TXNRD2: variants seen among roughly 807,000 people sequenced by gnomAD.
TXNRD2 encodes the protein thioredoxin reductase 2.
Under a neutral mutation model 70.8 loss-of-function variants are expected in TXNRD2, and 67 were observed. That is an observed-to-expected ratio of 0.95 (90% confidence interval 0.78 to 1.16). The LOEUF (loss-of-function observed/expected upper bound fraction) is 1.16, where lower values mean the gene tolerates loss of function less well. Among genes scored for constraint, TXNRD2 ranks in the 50% most tolerant of loss-of-function variants. The pLI is 0.00. For synonymous variants in TXNRD2, 301 were observed against 295.8 expected (o/e 1.02, Z -0.18); for missense variants, 644 against 719.9 (o/e 0.89, Z 1.21).
At chr22:19,941,251 T>G (rs1941702214) in intron 1 of TXNRD2, among the ~76,000 whole-genome samples, 1 of 152,170 alleles carries the variant, frequency 6.6e-6, no homozygotes. Flanking sequence ...CCTGATTTAG[T>G]TAACTGTTCT....
chr22:19,906,219 C>T (rs1260491097), intron 8 of TXNRD2, among the ~76,000 whole-genome samples: 4 of 152,158 alleles, frequency 2.6e-5, no homozygotes, highest in Admixed American at 6.5e-5. Flanking sequence ...CTCACAGACA[C>T]GCTCATCTCA....
chr22:19,941,145 G>T (rs935629113), intron 1 of TXNRD2, among the ~76,000 whole-genome samples: 4 of 152,150 alleles, frequency 2.6e-5, no homozygotes, highest in African/African-American at 9.7e-5. Flanking sequence ...CGCTCTGGTC[G>T]GATCTAGGGG....
At chr22:19,878,982 A>G (rs1458050530) in intron 14 of TXNRD2, among the ~76,000 whole-genome samples, 1 of 152,218 alleles carries the variant, frequency 6.6e-6, no homozygotes, top group African/African-American at 2.4e-5. Flanking sequence ...TGGGGCCCTC[A>G]CATGTGCTGT....
chr22:19,895,283 C>T lies in TXNRD2; in HGVS notation c.949+124G>A, dbSNP rs987546371. On this transcript the variant is annotated intron_variant, in intron 11 of 17. Coordinates refer to ENST00000400521, the MANE Select transcript of TXNRD2 (RefSeq NM_006440.5). ...GTTGCTCTCGAGGTGCACTGGGGAGCGGCCAACCCGCCTGGCAGCCAGCAG... is the reference window on the plus strand; with the variant it reads ...GTTGCTCTCGAGGTGCACTGGGGAGTGGCCAACCCGCCTGGCAGCCAGCAG... 1.7e-4 allele frequency: 265 copies of T among 1,591,512 alleles called. 1 individual carries two copies. The highest frequency in any genetic ancestry group is 3.3e-4 in the Middle Eastern group (2 of 6,038).
At chr22:19,886,335 T>C (rs1381360538) in intron 11 of TXNRD2, among the ~76,000 whole-genome samples, 1 of 152,250 alleles carries the variant, frequency 6.6e-6, no homozygotes, top group African/African-American at 2.4e-5. Flanking sequence ...CTATGGGTCT[T>C]GCTGAGCAAA....
intron 1 of TXNRD2, chr22:19,938,229 T>G (rs1941595951): frequency 1.3e-5 from 2 of 152,220 alleles, no homozygotes; most frequent in African/African-American, 4.8e-5. Flanking sequence ...GTCTCATTAA[T>G]TCTGATTCCT....
intron 3 of TXNRD2, among the ~76,000 whole-genome samples, 156 bp from the exon 4 acceptor site, chr22:19,919,160 C>T (rs896622181): frequency 3.3e-5 from 4 of 121,698 alleles, no homozygotes; most frequent in Non-Finnish European, 6.7e-5. Context: ...TAACTGTACT[C>T]GAAAATAAAA....
chr22:19,903,862 C>T (rs1244898160), intron 8 of TXNRD2, among the ~76,000 whole-genome samples: 3 of 152,336 alleles, frequency 2.0e-5, no homozygotes, highest in East Asian at 3.9e-4. Context: ...TTTGGGGTCA[C>T]GTGCCCCTCC....
chr22:19,877,429 G>A (rs1938560410), intron 16 of TXNRD2, among the ~76,000 whole-genome samples, 195 bp from the exon 17 acceptor site: 2 of 151,944 alleles, frequency 1.3e-5, no homozygotes, highest in South Asian at 2.1e-4. Flanking sequence ...CCTAGTGCTC[G>A]TCCAGCCCAC....
At chr22:19,881,407 G>T (rs1056984215) in intron 12 of TXNRD2, 2 of 245,076 alleles carry the variant, frequency 8.2e-6, no homozygotes, top group Non-Finnish European at 1.5e-5. Context: ...CCCGGCGGGC[G>T]GCGCACAGCA....
At chr22:19,886,274 G>A (rs56046137) in intron 11 of TXNRD2, among the ~76,000 whole-genome samples, 31,969 of 152,236 alleles carry the variant, frequency 0.21, 3,919 homozygotes, top group Middle Eastern at 0.34. Flanking sequence ...GTGGGGCCAC[G>A]TCCCTAGCCG....
chr22:19,911,414 C>G lies in TXNRD2; in HGVS notation c.625G>C (p.Asp209His), dbSNP rs770749161. 1.2e-6 allele frequency: 2 copies of G among 1,614,108 alleles called. No homozygotes were observed. Among genetic ancestry groups the G allele is most frequent in the South Asian group, 2.2e-5 (2 of 91,080 alleles). Reference sequence around the variant, plus strand: ...GATTCCTTCAGCCAGAAGATGTCATCACTTGTGATTCCATATTCCAAGGCA... The same window carrying G: ...GATTCCTTCAGCCAGAAGATGTCATGACTTGTGATTCCATATTCCAAGGCA... ...EGALEYGITS[D>H]DIFWLKESPG... The change falls in exon 8 of 18, where the codon GAT (aspartate) becomes CAT (histidine). Residue 209 changes from aspartate (D) to histidine (H), a missense_variant. Asp to His is a moderately conservative substitution (Grantham distance 81). Coordinates refer to ENST00000400521, the MANE Select transcript of TXNRD2 (RefSeq NM_006440.5).
chr22:19,925,152 C>T (rs976260722), intron 2 of TXNRD2, among the ~76,000 whole-genome samples: 4 of 151,742 alleles, frequency 2.6e-5, no homozygotes, highest in Admixed American at 2.0e-4. Context: ...GGCATGGTGG[C>T]ATGCGCCTGT....
At chr22:19,903,496 G>A (rs1049220928) in intron 8 of TXNRD2, among the ~76,000 whole-genome samples, 40 of 152,352 alleles carry the variant, frequency 2.6e-4, no homozygotes, top group African/African-American at 8.9e-4. Context: ...GCCCAGGGCC[G>A]TGGGTGTGCA....
intron 2 of TXNRD2, among the ~76,000 whole-genome samples, chr22:19,922,807 C>T (rs1196078385): frequency 6.6e-6 from 1 of 152,160 alleles, no homozygotes; most frequent in African/African-American, 2.4e-5. Context: ...CTGCCTAAGC[C>T]TCCTGAATAG....
Position 19,919,589 on chromosome 22 carries a change from C to T in TXNRD2, c.183G>A (p.Leu61=), listed in dbSNP as rs776734424. 1.3e-6 allele frequency: 2 copies of T among 1,561,766 alleles called. No individual in the cohort carries two copies. Among genetic ancestry groups the T allele is most frequent in the African/African-American group, 1.4e-5 (1 of 73,440 alleles). Reference sequence around the variant, plus strand: ...AGTCCACCACGGCCACCTTCCTTCCCAGCTGGGCGGCTGGAAGGATAAGGA... The same window carrying T: ...AGTCCACCACGGCCACCTTCCTTCCTAGCTGGGCGGCTGGAAGGATAAGGA... ...GLACAKEAAQ[L]GRKVAVVDYV... is the part of the protein sequence containing the mutation. Residue 61 remains leucine (L), a synonymous_variant, in exon 3 of 18, where the codon CTG becomes CTA. Coordinates refer to ENST00000400521, the MANE Select transcript of TXNRD2 (RefSeq NM_006440.5).
chr22:19,907,900 T>C (rs1940136684), intron 8 of TXNRD2, among the ~76,000 whole-genome samples: 1 of 51,806 alleles, frequency 1.9e-5, no homozygotes, highest in Non-Finnish European at 3.6e-5. Flanking sequence ...TGGGTAGCAG[T>C]GACCGCTCTC....
Position 19,915,196 on chromosome 22 carries a change from T to C in TXNRD2, c.591+18A>G, listed in dbSNP as rs370913885. 4.1e-5 allele frequency: 66 copies of C among 1,608,606 alleles called. No individual in the cohort carries two copies. The highest frequency in any genetic ancestry group is 5.0e-5 in the Non-Finnish European group (59 of 1,179,482). On this transcript the variant is annotated intron_variant, in intron 7 of 17. Coordinates refer to ENST00000400521, the MANE Select transcript of TXNRD2 (RefSeq NM_006440.5). ...ATGGGCCACGGCAGCAGGGACGCTATGCTCTGGGGACACTCACGTGCGTGG... is the reference window on the plus strand; with the variant it reads ...ATGGGCCACGGCAGCAGGGACGCTACGCTCTGGGGACACTCACGTGCGTGG...
chr22:19,939,820 A>G (rs1362364534), intron 1 of TXNRD2, among the ~76,000 whole-genome samples: 3 of 152,188 alleles, frequency 2.0e-5, no homozygotes, highest in African/African-American at 7.2e-5. Flanking sequence ...GACAAATAAA[A>G]AGAGGAGTAA....
Sources: allele counts gnomAD v4.1 joint callset (sites outside exome capture counted in the v4.1 genomes callset), GRCh38; gene constraint gnomAD v4.1.1; transcripts MANE v1.5; gene names NCBI Gene and HGNC (gene_info 2026-07-23, HGNC 2026-07-21).